KIF6: variants seen among roughly 807,000 people sequenced by gnomAD.
KIF6 encodes kinesin family member 6, also known as kinesin-like protein KIF6.
In KIF6, 106 loss-of-function variants were observed where a neutral mutation model predicts 112.7. The ratio of observed to expected loss-of-function variants is 0.94; its 90% CI spans 0.80 to 1.11. KIF6 has a LOEUF of 1.11. Among genes scored for constraint, KIF6 ranks in the 50% least tolerant of loss-of-function variants. The pLI is 0.00. For missense variants in KIF6, 929 were observed against 964.0 expected, an observed-to-expected ratio of 0.96 and a Z score of 0.48; for synonymous variants, 339 against 339.9, an observed-to-expected ratio of 1.00 and a Z score of 0.03.
intron 15 of KIF6, among the ~76,000 whole-genome samples, chr6:39,415,714 G>T (rs1289195803): frequency 1.3e-5 from 2 of 152,208 alleles, no homozygotes; most frequent in African/African-American, 4.8e-5. Context: ...CTTAAGTACA[G>T]AACATGCACA....
At chr6:39,514,538 T>C (rs1300693859) in intron 13 of KIF6, among the ~76,000 whole-genome samples, 2 of 152,248 alleles carry the variant, frequency 1.3e-5, no homozygotes, top group Non-Finnish European at 2.9e-5. Flanking sequence ...TACATGTACA[T>C]AAAATGTGTA....
chr6:39,333,954 C>T lies in KIF6; in HGVS notation c.*2578G>A, dbSNP rs552726404. 3.3e-4 allele frequency: 50 copies of T among 152,368 alleles called. No homozygotes were observed. The highest frequency in any genetic ancestry group is 9.9e-4 in the African/African-American group (41 of 41,576). 9.4% of individuals were successfully genotyped at this position (152,368 alleles called of 1,614,324 possible). A position where few individuals can be genotyped will look rare whatever the true frequency, so the allele number is the denominator to read the frequency against. On this transcript the variant is annotated 3_prime_UTR_variant, in exon 23 of 23. Coordinates refer to ENST00000287152, the MANE Select transcript of KIF6 (RefSeq NM_145027.6). ...CAGGTGGATTGCTGGAAAGTCTTTT[C>T]AAAACATTGCATCAATTTCTCCCAT... is the stretch of plus-strand genomic sequence containing the variant.
intron 2 of KIF6, among the ~76,000 whole-genome samples, chr6:39,716,606 A>G (rs536862782): frequency 9.5e-4 from 145 of 152,330 alleles, no homozygotes; most frequent in African/African-American, 3.4e-3. Context: ...TAACAGGTTC[A>G]GTCTAATGAT....
At chr6:39,469,617 T>C (rs1013273755) in intron 13 of KIF6, among the ~76,000 whole-genome samples, 24 of 152,318 alleles carry the variant, frequency 1.6e-4, no homozygotes, top group South Asian at 1.2e-3. Flanking sequence ...AGGTTTGTCA[T>C]ATAGGTAAAC....
At chr6:39,681,137 CAA>C (rs1787486107) in intron 3 of KIF6, among the ~76,000 whole-genome samples, 1 of 152,158 alleles carries the variant, frequency 6.6e-6, no homozygotes, top group Non-Finnish European at 1.5e-5. Context: ...AAAAATAACT[CAA>C]GACATTTTTA....
chr6:39,469,558 TGGAGAG>T (rs1054407342), intron 13 of KIF6, among the ~76,000 whole-genome samples: 1 of 152,110 alleles, frequency 6.6e-6, no homozygotes, highest in African/African-American at 2.4e-5. Context: ...TTACTAGAGA[TGGAGAG>T]GAACTTTTAA....
Position 39,615,154 on chromosome 6 carries a change from C to T in KIF6, c.510-1836G>A, listed in dbSNP as rs564417294. Among the ~76,000 whole-genome samples, 55 of 148,318 alleles carry T rather than the reference C, an allele frequency of 3.7e-4. No individual in the cohort carries two copies. The East Asian group carries it at 4.5e-3, about 12-fold the overall frequency. On this transcript the variant is annotated intron_variant, in intron 5 of 22. Transcript: ENST00000287152. ...TACCACTGTCCTCCAGTCTGGGAGA[C>T]GGAGCGAGGCCTTTTCTAAAAAAAA...
At chr6:39,544,167 G>A (rs1260950298) in intron 12 of KIF6, among the ~76,000 whole-genome samples, 1 of 152,194 alleles carries the variant, frequency 6.6e-6, no homozygotes, top group Non-Finnish European at 1.5e-5. Flanking sequence ...TGGTCAGCCT[G>A]TTGTCTGGTC....
At chr6:39,710,769 T>G (rs781377539) in intron 3 of KIF6, among the ~76,000 whole-genome samples, 1 of 151,910 alleles carries the variant, frequency 6.6e-6, no homozygotes, top group African/African-American at 2.4e-5. Flanking sequence ...AAAGAATAGA[T>G]ATGTTAGAGG....
intron 5 of KIF6, among the ~76,000 whole-genome samples, chr6:39,619,125 T>TAA (rs1460570800): frequency 1.3e-5 from 2 of 152,232 alleles, no homozygotes; most frequent in African/African-American, 4.8e-5. Flanking sequence ...CTAACTTTTA[T>TAA]AAAAGTGAAA....
At chr6:39,500,513 T>G (rs1265462114) in intron 13 of KIF6, among the ~76,000 whole-genome samples, 1 of 152,024 alleles carries the variant, frequency 6.6e-6, no homozygotes, top group Non-Finnish European at 1.5e-5. Context: ...GGAGGCACAT[T>G]TTATTAAAGG....
chr6:39,362,913 C>T (rs1765272969), intron 16 of KIF6, among the ~76,000 whole-genome samples: 1 of 152,186 alleles, frequency 6.6e-6, no homozygotes, highest in African/African-American at 2.4e-5. Flanking sequence ...CTTTGGGAAG[C>T]CGAGGCAGGA....
intron 5 of KIF6, among the ~76,000 whole-genome samples, chr6:39,634,150 A>G (rs1455607366): frequency 6.6e-6 from 1 of 152,172 alleles, no homozygotes; most frequent in African/African-American, 2.4e-5. Flanking sequence ...TAAGAATATA[A>G]AGATACATTT....
intron 13 of KIF6, among the ~76,000 whole-genome samples, chr6:39,454,556 C>T (rs778066078): frequency 1.4e-5 from 2 of 143,230 alleles, no homozygotes; most frequent in Admixed American, 1.4e-4. Context: ...AAAAAAAGAT[C>T]GAGCGTGAGC....
intron 14 of KIF6, among the ~76,000 whole-genome samples, chr6:39,425,845 G>T (rs1770727417): frequency 6.6e-6 from 1 of 151,628 alleles, no homozygotes; most frequent in African/African-American, 2.4e-5. Context: ...AAGTCTAATG[G>T]GAGCCAGGAA....
chr6:39,389,581 C>T (rs145593077), intron 15 of KIF6, among the ~76,000 whole-genome samples: 152 of 152,280 alleles, frequency 1.0e-3, no homozygotes, highest in African/African-American at 3.5e-3. Context: ...GCTGGACCAA[C>T]GGCTGGCCTT....
intron 15 of KIF6, among the ~76,000 whole-genome samples, chr6:39,417,571 G>A (rs764616427): frequency 1.3e-5 from 2 of 152,270 alleles, no homozygotes; most frequent in African/African-American, 4.8e-5. Flanking sequence ...CAGATCAAAT[G>A]ACAGCCCTCA....
chr6:39,365,182 T>C (rs147783483), intron 16 of KIF6, among the ~76,000 whole-genome samples: 23 of 152,374 alleles, frequency 1.5e-4, no homozygotes, highest in African/African-American at 5.5e-4. Flanking sequence ...GGATCACGAT[T>C]CTGTCTGTCA....
At chr6:39,645,373 C>T (rs1232026425) in intron 3 of KIF6, among the ~76,000 whole-genome samples, 1 of 152,018 alleles carries the variant, frequency 6.6e-6, no homozygotes, top group Non-Finnish European at 1.5e-5. Flanking sequence ...ATTTGTATTA[C>T]TCTTTGTTTA....
Sources: gnomAD v4.1 joint callset for allele counts (sites outside exome capture counted in the v4.1 genomes callset) on GRCh38, gnomAD v4.1.1 for gene constraint, MANE v1.5 for transcripts, NCBI Gene and HGNC (gene_info 2026-07-23, HGNC 2026-07-21) for gene names.